NHSL1: variants seen among roughly 807,000 people sequenced by gnomAD.
NHSL1 encodes the protein NHS-like protein 1.
In NHSL1, 48 loss-of-function variants were observed where a neutral mutation model predicts 95.0. The observed-to-expected ratio is 0.51, with a 90% CI of 0.40 to 0.64. The LOEUF (loss-of-function observed/expected upper bound fraction) is 0.64. Ranked by LOEUF, NHSL1 falls within the 30% of genes least tolerant of loss-of-function variation. The pLI is 0.00. For missense variants in NHSL1, 1,971 were observed against 2,077.7 expected (o/e 0.95, Z 1.00); for synonymous variants, 783 against 833.9 (o/e 0.94, Z 1.05).
intron 2 of NHSL1, among the ~76,000 whole-genome samples, chr6:138,479,787 C>T (rs554887808): frequency 1.1e-3 from 175 of 152,326 alleles, no homozygotes; most frequent in Non-Finnish European, 3.2e-4. Flanking sequence ...ATTTTTATCA[C>T]TGACTTCTGT....
intron 1 of NHSL1, among the ~76,000 whole-genome samples, chr6:138,666,327 G>A (rs1347410199): frequency 1.3e-5 from 2 of 152,060 alleles, no homozygotes; most frequent in Non-Finnish European, 2.9e-5. Flanking sequence ...AGGGCCAGGC[G>A]CGGTGGCTCC....
At chr6:138,574,907 T>C (rs1235261561), upstream of NHSL1, among the ~76,000 whole-genome samples, 1 of 152,096 alleles carries the variant, frequency 6.6e-6, no homozygotes, top group Non-Finnish European at 1.5e-5. Context: ...TGTGTGTTCT[T>C]CTTTTTTTGG....
At chr6:138,485,443 C>T (rs1428277590) in intron 2 of NHSL1, among the ~76,000 whole-genome samples, 1 of 131,130 alleles carries the variant, frequency 7.6e-6, no homozygotes, top group Non-Finnish European at 1.6e-5. Flanking sequence ...TGTTGCTTAC[C>T]GTTAAAAAAA....
At chr6:138,464,525 C>A in intron 3 of NHSL1, 1 of 188,642 alleles carries the variant, frequency 5.3e-6, no homozygotes. Context: ...TTGCACTTAG[C>A]GCTAAACAAA....
In NHSL1 at chr6:138,424,075, T is replaced by C; in HGVS notation, c.*6A>G. ...CGTGTCACCTGGGAGAGTTACGTTC[T>C]TGGCCCTAACTCTCCTCGCTCAGAG... On this transcript the variant is annotated 3_prime_UTR_variant, in exon 8 of 8. Transcript: ENST00000343505. This position sits in a 1 kb window ranked among gnomAD's most constrained non-coding sequence, Gnocchi z 5.9. 1 of 1,371,584 alleles carries C rather than the reference T, an allele frequency of 7.3e-7. No homozygotes were observed. 85.0% of individuals were successfully genotyped at this position (1,371,584 alleles called of 1,614,324 possible).
chr6:138,590,733 G>A (rs1784212513), intron 1 of NHSL1, among the ~76,000 whole-genome samples: 1 of 152,176 alleles, frequency 6.6e-6, no homozygotes, highest in Admixed American at 6.5e-5. Context: ...AGGAAGCCTG[G>A]TCATATGGGA....
At chr6:138,685,680 A>G (rs909787944) in intron 1 of NHSL1, among the ~76,000 whole-genome samples, 1 of 152,124 alleles carries the variant, frequency 6.6e-6, no homozygotes, top group African/African-American at 2.4e-5. Flanking sequence ...TGAGACATCA[A>G]TTTCTGAAAA....
intron 1 of NHSL1, among the ~76,000 whole-genome samples, chr6:138,529,630 A>G (rs1177594823): frequency 6.6e-6 from 1 of 152,212 alleles, no homozygotes; most frequent in Non-Finnish European, 1.5e-5. Context: ...GTGCAGAAGA[A>G]TCAGCTTCCA....
At chr6:138,546,452 A>C (rs910749995), upstream of NHSL1, among the ~76,000 whole-genome samples, 3 of 145,044 alleles carry the variant, frequency 2.1e-5, no homozygotes, top group South Asian at 2.1e-4. Context: ...AAAAAAAAAA[A>C]AAAAAAACTA....
At chr6:138,523,627 GAAA>G (rs67335375) in intron 1 of NHSL1, among the ~76,000 whole-genome samples, 1 of 64,890 alleles carries the variant, frequency 1.5e-5, no homozygotes, top group African/African-American at 5.6e-5. Context: ...TTTTAAAGAG[GAAA>G]AAAAAAAAAA....
chr6:138,463,635 G>A (rs1300981674), intron 3 of NHSL1, among the ~76,000 whole-genome samples: 1 of 151,416 alleles, frequency 6.6e-6, no homozygotes, highest in African/African-American at 2.4e-5. Context: ...TCAACCCGTC[G>A]TCTAGGTTTT....
At chr6:138,571,453 T>TGGAG (rs1783836422) in intron 1 of NHSL1, 3 of 433,610 alleles carry the variant, frequency 6.9e-6, no homozygotes, top group African/African-American at 6.1e-5. Context: ...GTGGCTCTGA[T>TGGAG]GGAGGGAGGG....
intron 1 of NHSL1, among the ~76,000 whole-genome samples, chr6:138,615,970 G>A (rs576075270): frequency 1.3e-5 from 2 of 152,188 alleles, no homozygotes; most frequent in East Asian, 1.9e-4. Context: ...CAGAAGGATC[G>A]CTTGAGCCCA....
chr6:138,594,533 A>C (rs1053892052), intron 1 of NHSL1, among the ~76,000 whole-genome samples: 3 of 152,100 alleles, frequency 2.0e-5, no homozygotes, highest in Non-Finnish European at 2.9e-5. Flanking sequence ...ATGGCTGTAC[A>C]TCAGAATCAC....
chr6:138,439,390 GATC>G (rs940998119), intron 5 of NHSL1, among the ~76,000 whole-genome samples: 5 of 152,000 alleles, frequency 3.3e-5, no homozygotes, highest in Non-Finnish European at 7.4e-5. Flanking sequence ...GTCTATTTTT[GATC>G]ATCATTACCT....
chr6:138,446,918 A>G (rs1040002490), intron 4 of NHSL1, 83 bp downstream of exon 4: 76 of 1,251,776 alleles, frequency 6.1e-5, no homozygotes, highest in Non-Finnish European at 8.5e-5. Flanking sequence ...TTGATGTAGC[A>G]ATGAAATGCT....
At chr6:138,653,552 C>G (rs1482505669) in intron 1 of NHSL1, among the ~76,000 whole-genome samples, 3 of 151,788 alleles carry the variant, frequency 2.0e-5, no homozygotes, top group Non-Finnish European at 4.4e-5. Flanking sequence ...CAGAGCAAGA[C>G]TCCGTCTCAA....
chr6:138,593,461 G>C (rs1784260493), intron 1 of NHSL1, among the ~76,000 whole-genome samples: 2 of 152,258 alleles, frequency 1.3e-5, no homozygotes, highest in South Asian at 4.1e-4. Context: ...TACAGAGAGA[G>C]AGTGCTGACG....
chr6:138,542,589 C>G (rs1312173624), intron 1 of NHSL1, among the ~76,000 whole-genome samples: 5 of 152,168 alleles, frequency 3.3e-5, no homozygotes, highest in Non-Finnish European at 7.4e-5. Context: ...TTGGAAATTT[C>G]TTTTAAAAAG....
Sources: allele counts gnomAD v4.1 joint callset (sites outside exome capture counted in the v4.1 genomes callset), GRCh38; gene constraint gnomAD v4.1.1; non-coding constraint Gnocchi (gnomAD v3.1); transcripts MANE v1.5; gene names NCBI Gene and HGNC (gene_info 2026-07-23, HGNC 2026-07-21).